INO80: variants seen among roughly 807,000 people sequenced by gnomAD.
INO80 encodes the protein INO80 complex ATPase subunit, also known as chromatin-remodeling ATPase INO80.
INO80 carries 20 observed loss-of-function variants against 203.4 expected under a neutral mutation model. The ratio of observed to expected loss-of-function variants is 0.10; its 90% confidence interval spans 0.07 to 0.14. The LOEUF (loss-of-function observed/expected upper bound fraction) is 0.14. Ranked by LOEUF, INO80 falls within the 10% of genes least tolerant of loss-of-function variation. The probability of loss-of-function intolerance (pLI) is 1.00; values close to 1 mark genes in which losing one functional copy is unlikely to be tolerated. For missense variants in INO80, 1,419 were observed against 1,914.4 expected (o/e 0.74, Z 4.83); for synonymous variants, 726 against 685.2 (o/e 1.06, Z -0.93).
At chr15:41,071,448 C>CTTTTTTTTTT (rs747609865) in intron 12 of INO80, among the ~76,000 whole-genome samples, 2 of 87,062 alleles carry the variant, frequency 2.3e-5, no homozygotes, top group African/African-American at 4.9e-5. Flanking sequence ...TACTCATTTC[C>CTTTTTTTTTT]TTTTTTTTTT....
chr15:40,992,113 T>C (rs754129920), intron 29 of INO80, among the ~76,000 whole-genome samples: 3 of 152,186 alleles, frequency 2.0e-5, no homozygotes, highest in Non-Finnish European at 2.9e-5. Context: ...GTGGGAAAAG[T>C]TGGACCAACA....
chr15:41,080,056 A>G, intron 8 of INO80, 152 bp from the exon 9 acceptor site: 1 of 663,252 alleles, frequency 1.5e-6, no homozygotes, highest in Non-Finnish European at 2.6e-6. Flanking sequence ...GTCCTTGTAC[A>G]GTACTGTGAC....
intron 24 of INO80, among the ~76,000 whole-genome samples, chr15:41,035,163 G>C (rs1431309516): frequency 6.6e-6 from 1 of 152,162 alleles, no homozygotes; most frequent in Non-Finnish European, 1.5e-5. Context: ...ACTACAGTCA[G>C]AACCATCTAC....
intron 27 of INO80, among the ~76,000 whole-genome samples, chr15:41,007,182 C>CTTTT (rs11330780): frequency 1.7e-5 from 2 of 119,310 alleles, no homozygotes; most frequent in African/African-American, 3.3e-5. Flanking sequence ...TTTTTTTTTT[C>CTTTT]TTTTTTTTTT....
rs1364155360 is a variant in INO80 at position 40,980,127 on chromosome 15, A to G, written c.*96T>C. 1.6e-5 allele frequency: 15 copies of G among 952,476 alleles called. No individual in the cohort carries two copies. The highest frequency in any genetic ancestry group is 3.3e-4 in the Middle Eastern group (1 of 3,076). The allele number at this position is 952,476 out of a possible 1,614,324, so 59.0% of individuals were successfully genotyped here. On this transcript the variant is annotated 3_prime_UTR_variant, in exon 36 of 36. Coordinates refer to ENST00000648947, the MANE Select transcript of INO80 (RefSeq NM_017553.3). The stretch of plus-strand genomic sequence containing the variant: ...TGGACATTTCCACTTCTGACTCAGG[A>G]TGCAAGATGCTGCACGGGGCAAGCC...
chr15:40,998,025 T>C (rs1189278882), intron 28 of INO80, among the ~76,000 whole-genome samples: 2 of 147,378 alleles, frequency 1.4e-5, no homozygotes, highest in African/African-American at 2.5e-5. Flanking sequence ...TCTTTTTTTT[T>C]TTTTTTTTTT....
At position 41,069,562 on chromosome 15, in the gene INO80, A is replaced by AT; in HGVS notation, c.1782+7dup. 1 of 1,506,750 alleles carries AT rather than the reference A, an allele frequency of 6.6e-7. No individual in the cohort carries two copies. The highest frequency in any genetic ancestry group is 9.2e-7 in the Non-Finnish European group (1 of 1,087,674). 93.3% of individuals were successfully genotyped at this position (1,506,750 alleles called of 1,614,324 possible). ...AGCAATAGATGTTTTGGTTGGACTG[A>AT]TATTTACCTTAAATTTAGGAACAAA... On this transcript the variant is annotated splice_region_variant and intron_variant, in intron 14 of 35. Coordinates refer to ENST00000648947, the MANE Select transcript of INO80 (RefSeq NM_017553.3).
intron 24 of INO80, among the ~76,000 whole-genome samples, chr15:41,044,197 G>A (rs1281178654): frequency 6.6e-6 from 1 of 152,154 alleles, no homozygotes; most frequent in Non-Finnish European, 1.5e-5. Flanking sequence ...TCCATTCCTG[G>A]ATATAAACAC....
intron 1 of INO80, among the ~76,000 whole-genome samples, chr15:41,102,673 G>GA (rs145418853): frequency 0.12 from 17,325 of 148,504 alleles, 3,069 homozygotes; most frequent in African/African-American, 0.38. Flanking sequence ...TGTCTCAAAG[G>GA]AAAAAAAAAG....
At chr15:41,022,317 T>G (rs137936333) in intron 25 of INO80, among the ~76,000 whole-genome samples, 2 of 152,312 alleles carry the variant, frequency 1.3e-5, no homozygotes, top group African/African-American at 4.8e-5. Flanking sequence ...TCGTGGAAGT[T>G]AGGCACCAAG....
At chr15:41,106,024 G>A (rs1194936038) in intron 1 of INO80, among the ~76,000 whole-genome samples, 1 of 152,110 alleles carries the variant, frequency 6.6e-6, no homozygotes, top group East Asian at 1.9e-4. Context: ...TTGGGAGGCT[G>A]AGGCAGGAGG....
rs900534662 is a variant in INO80, at chr15:40,982,872, G to A, written c.4443C>T (p.Asn1481=). The A allele has an allele frequency of 9.3e-6, 15 of 1,612,656 alleles. No homozygotes were observed. Among genetic ancestry groups the A allele is most frequent in the African/African-American group, 2.7e-5 (2 of 74,906 alleles). The change falls in exon 35 of 36, where the codon AAC becomes AAT. Residue 1481 remains asparagine (N), a synonymous_variant. Transcript: ENST00000648947. ...CCTGGGCTTCTGTACCTTTAGACAC[G>A]TTGTACCCGTATGCGGCATAGGCAG... The part of the protein sequence containing the change: ...SAAAYAAYGY[N]VSKGISASSP...
chr15:40,980,476 A>T, intron 35 of INO80, 36 bp from the exon 36 acceptor site: 1 of 1,518,788 alleles, frequency 6.6e-7, no homozygotes, highest in Non-Finnish European at 9.1e-7. Context: ...CGTAAGCACC[A>T]GTCCCGCGTA....
At chr15:41,009,588 C>T (rs929806783) in intron 27 of INO80, among the ~76,000 whole-genome samples, 1 of 151,694 alleles carries the variant, frequency 6.6e-6, no homozygotes, top group African/African-American at 2.4e-5. Flanking sequence ...CTGACATATG[C>T]GTTTTGGTTT....
chr15:41,050,574 C>T (rs190675572), intron 19 of INO80, among the ~76,000 whole-genome samples: 2 of 152,294 alleles, frequency 1.3e-5, no homozygotes, highest in East Asian at 3.9e-4. Context: ...TGCTCTCTCA[C>T]ACCTCATGTT....
chr15:41,071,982 A>G lies in INO80; in HGVS notation c.1472T>C (p.Phe491Ser). The G allele has an allele frequency of 6.2e-7, 1 of 1,613,730 alleles. No individual in the cohort carries two copies. Among genetic ancestry groups the G allele is most frequent in the Non-Finnish European group, 8.5e-7 (1 of 1,179,884 alleles). The change falls in exon 12 of 36, where the codon TTT (phenylalanine) becomes TCT (serine). Residue 491 changes from phenylalanine (F) to serine (S), a missense_variant. Phe to Ser is a radical substitution (Grantham distance 155). Around this residue, in one of 9 missense-constraint regions of INO80, gnomAD observed 116 missense variants for 119.5 expected, o/e 0.97. Coordinates refer to ENST00000648947, the MANE Select transcript of INO80 (RefSeq NM_017553.3). ...GTTAGCCAGGCTATAACTCTCCCCAAACCCAGTGCCAGACTTGTTTGCTGC... is the reference window on the plus strand; with the variant it reads ...GTTAGCCAGGCTATAACTCTCCCCAGACCCAGTGCCAGACTTGTTTGCTGC... ...LRAANKSGTG[F>S]GESYSLANPS...
At chr15:41,064,996 C>G (rs1446272796) in intron 14 of INO80, among the ~76,000 whole-genome samples, 2 of 150,176 alleles carry the variant, frequency 1.3e-5, no homozygotes, top group African/African-American at 4.9e-5. Flanking sequence ...GAGACACTGT[C>G]TCAAAAAAAA....
intron 28 of INO80, 60 bp downstream of exon 28, chr15:41,005,533 C>A: frequency 3.7e-6 from 3 of 802,788 alleles, no homozygotes; most frequent in African/African-American, 1.8e-5. Flanking sequence ...AAAAAACTTA[C>A]CATTTCAAGC....
At position 41,021,013 on chromosome 15, in the gene INO80, G is replaced by A. The variant is rs747570001; in HGVS notation, c.3161C>T (p.Ala1054Val). The A allele has an allele frequency of 1.2e-6, 2 of 1,613,914 alleles. No individual in the cohort carries two copies. The highest frequency in any genetic ancestry group is 1.7e-6 in the Non-Finnish European group (2 of 1,179,806). Residue 1054 changes from alanine (A) to valine (V), a missense_variant, in exon 26 of 36, where the codon GCC (alanine) becomes GTC (valine). Coordinates refer to ENST00000648947, the MANE Select transcript of INO80 (RefSeq NM_017553.3). ...LAAKQCLLNG[A>V]PELAADWLNR... ...TAGCCAGTCTGCAGCCAGTTCAGGG[G>A]CCCCATTCAACAAACACTGCTTGGC... is the stretch of plus-strand genomic sequence containing the variant.
Sources: gnomAD v4.1 joint callset for allele counts (sites outside exome capture counted in the v4.1 genomes callset) on GRCh38, gnomAD v4.1.1 for gene constraint, gnomAD v4.1.1 regional missense constraint, MANE v1.5 for transcripts, NCBI Gene and HGNC (gene_info 2026-07-23, HGNC 2026-07-21) for gene names.